The following HMGCLL1 variants were observed in gnomAD, a reference collection of about 807,000 sequenced individuals.
HMGCLL1 encodes the protein 3-hydroxymethyl-3-methylglutaryl-CoA lyase, cytoplasmic.
HMGCLL1 carries 36 observed loss-of-function variants against 39.1 expected under a neutral mutation model. The ratio of observed to expected loss-of-function variants is 0.92; its 90% CI spans 0.71 to 1.22. The LOEUF (loss-of-function observed/expected upper bound fraction) is 1.22. HMGCLL1 is among the 50% of genes most tolerant of loss of function. HMGCLL1 has a pLI of 0.00. For missense variants in HMGCLL1, 451 were observed against 416.5 expected (o/e 1.08, Z -0.72); for synonymous variants, 149 against 144.0 (o/e 1.03, Z -0.25).
chr6:55,530,029 T>TA (rs1768559685), intron 3 of HMGCLL1, among the ~76,000 whole-genome samples: 1 of 118,390 alleles, frequency 8.4e-6, no homozygotes, highest in African/African-American at 3.4e-5. Flanking sequence ...GAAAAAGTGA[T>TA]AAAAACCTCA....
the HMGCLL1 span, among the ~76,000 whole-genome samples, chr6:55,620,541 T>C: frequency 2.6e-5 from 4 of 152,134 alleles, no homozygotes; most frequent in African/African-American, 9.7e-5. Flanking sequence ...TGGATTATTA[T>C]GATTTTCTTT....
intron 7 of HMGCLL1, among the ~76,000 whole-genome samples, chr6:55,462,136 A>C (rs1764593422): frequency 6.6e-6 from 1 of 152,124 alleles, no homozygotes; most frequent in Admixed American, 6.6e-5. Context: ...ATAAATAAAT[A>C]AGGAAGACTA....
the HMGCLL1 span, among the ~76,000 whole-genome samples, chr6:55,606,260 T>C: frequency 6.6e-6 from 1 of 152,182 alleles, no homozygotes; most frequent in Non-Finnish European, 1.5e-5. Context: ...TAAAAATTAA[T>C]ATTTGAGATT....
At chr6:55,462,095 A>G (rs1449069038) in intron 7 of HMGCLL1, among the ~76,000 whole-genome samples, 2 of 152,110 alleles carry the variant, frequency 1.3e-5, no homozygotes, top group Non-Finnish European at 2.9e-5. Flanking sequence ...TTTTTGGGTA[A>G]TTCTAATGCC....
chr6:55,533,299 T>C (rs987528208), intron 3 of HMGCLL1, among the ~76,000 whole-genome samples: 1 of 151,494 alleles, frequency 6.6e-6, no homozygotes, highest in African/African-American at 2.4e-5. Context: ...GTACTATTAT[T>C]ATATTATTTT....
chr6:55,447,673 T>C (rs1763914026), intron 7 of HMGCLL1, among the ~76,000 whole-genome samples: 1 of 152,078 alleles, frequency 6.6e-6, no homozygotes, highest in Non-Finnish European at 1.5e-5. Flanking sequence ...ATTGCTTACT[T>C]TTTCACAAGG....
chr6:55,605,741 A>T, the HMGCLL1 span, among the ~76,000 whole-genome samples: 1 of 152,172 alleles, frequency 6.6e-6, no homozygotes, highest in Non-Finnish European at 1.5e-5. Flanking sequence ...ATCCTCCAGT[A>T]ATAGTGAGTA....
At chr6:55,558,603 C>T (rs1312909143) in intron 1 of HMGCLL1, among the ~76,000 whole-genome samples, 1 of 152,120 alleles carries the variant, frequency 6.6e-6, no homozygotes, top group East Asian at 1.9e-4. Flanking sequence ...TTCTAGATCT[C>T]ATAGTCCTTC....
intron 1 of HMGCLL1, chr6:55,577,299 G>A: frequency 2.4e-6 from 3 of 1,229,522 alleles, no homozygotes; most frequent in South Asian, 1.6e-5. Context: ...AAATTCCCGA[G>A]AACACAAAAA....
At chr6:55,453,723 T>C (rs1764201195) in intron 7 of HMGCLL1, among the ~76,000 whole-genome samples, 1 of 152,304 alleles carries the variant, frequency 6.6e-6, no homozygotes, top group Non-Finnish European at 1.5e-5. Flanking sequence ...ATTAGTGCAA[T>C]ACATCCAATC....
intron 7 of HMGCLL1, among the ~76,000 whole-genome samples, chr6:55,492,212 T>A (rs963771047): frequency 5.3e-5 from 8 of 152,176 alleles, no homozygotes; most frequent in East Asian, 1.9e-4. Flanking sequence ...TTCCATTTTT[T>A]AAAAATGAAG....
the HMGCLL1 span, among the ~76,000 whole-genome samples, chr6:55,642,761 ATAAT>A: frequency 5.3e-5 from 8 of 152,058 alleles, no homozygotes; most frequent in Non-Finnish European, 1.0e-4. Flanking sequence ...TTAGTATCCA[ATAAT>A]TATTTTTTCT....
intron 7 of HMGCLL1, among the ~76,000 whole-genome samples, chr6:55,445,514 T>C (rs1478293698): frequency 6.6e-6 from 1 of 152,062 alleles, no homozygotes; most frequent in Non-Finnish European, 1.5e-5. Context: ...CATTGTGTGT[T>C]TGAAAATAAT....
At chr6:55,675,840 C>T in the HMGCLL1 span, among the ~76,000 whole-genome samples, 2 of 152,056 alleles carry the variant, frequency 1.3e-5, no homozygotes, top group African/African-American at 4.8e-5. Flanking sequence ...ACTTTAATTA[C>T]ATCGTTCTTT....
At chr6:55,610,922 T>C in the HMGCLL1 span, among the ~76,000 whole-genome samples, 1 of 152,156 alleles carries the variant, frequency 6.6e-6, no homozygotes, top group Non-Finnish European at 1.5e-5. Flanking sequence ...CAGAATTTCA[T>C]ATCCCACCAA....
the HMGCLL1 span, among the ~76,000 whole-genome samples, chr6:55,602,257 CT>C: frequency 3.6e-3 from 546 of 152,076 alleles, 1 homozygote; most frequent in Middle Eastern, 0.017. Flanking sequence ...AGCTTGAAGA[CT>C]TTTTTTGTTA....
At chr6:55,582,889 A>G (rs1379355448), upstream of HMGCLL1, among the ~76,000 whole-genome samples, 2 of 152,150 alleles carry the variant, frequency 1.3e-5, no homozygotes, top group African/African-American at 4.8e-5. Context: ...GTATGTACAC[A>G]TACACACATA....
intron 8 of HMGCLL1, among the ~76,000 whole-genome samples, chr6:55,437,401 G>T (rs2127378179): frequency 6.6e-6 from 1 of 151,800 alleles, no homozygotes; most frequent in South Asian, 2.1e-4. Flanking sequence ...GAGATATGAG[G>T]CCATCAACCC....
At chr6:55,586,891 A>C in the HMGCLL1 span, among the ~76,000 whole-genome samples, 1 of 152,110 alleles carries the variant, frequency 6.6e-6, no homozygotes, top group East Asian at 1.9e-4. Context: ...CATGATTTAT[A>C]ATCCTTTGGG....
Sources: gnomAD v4.1 joint callset for allele counts (sites outside exome capture counted in the v4.1 genomes callset) on GRCh38, gnomAD v4.1.1 for gene constraint, MANE v1.5 for transcripts, NCBI Gene and HGNC (gene_info 2026-07-23, HGNC 2026-07-21) for gene names.